The following PDE9A variants were observed in gnomAD, a reference collection of about 807,000 sequenced individuals.
PDE9A encodes phosphodiesterase 9A.
A neutral mutation model predicts 87.4 loss-of-function variants in PDE9A; 60 were observed. The observed-to-expected ratio is 0.69, with a 90% CI of 0.56 to 0.85. PDE9A has a LOEUF of 0.85. Among genes scored for constraint, PDE9A ranks in the 40% least tolerant of loss-of-function variants. PDE9A has a pLI of 0.00. For synonymous variants in PDE9A, 272 were observed against 279.4 expected (o/e 0.97, Z 0.27); for missense variants, 665 against 779.0 (o/e 0.85, Z 1.74).
intron 1 of PDE9A, among the ~76,000 whole-genome samples, chr21:42,670,179 A>G (rs1006308621): frequency 6.8e-6 from 1 of 147,664 alleles, no homozygotes; most frequent in Non-Finnish European, 1.5e-5. Context: ...ACACGCACAC[A>G]TACACTTACA....
chr21:42,662,789 A>T (rs2057639251), intron 1 of PDE9A, among the ~76,000 whole-genome samples: 1 of 133,528 alleles, frequency 7.5e-6, no homozygotes, highest in African/African-American at 3.0e-5. Flanking sequence ...ACACACACAC[A>T]CCAAGCACAC....
At chr21:42,689,609 G>C (rs2059676693) in intron 3 of PDE9A, 2 of 985,448 alleles carry the variant, frequency 2.0e-6, no homozygotes, top group South Asian at 9.4e-5. Context: ...ATTTGAAACA[G>C]CGTGCAGAGA....
At chr21:42,657,182 G>A (rs1042250328) in intron 1 of PDE9A, among the ~76,000 whole-genome samples, 2 of 152,176 alleles carry the variant, frequency 1.3e-5, no homozygotes, top group African/African-American at 2.4e-5. Flanking sequence ...AGGATGGCCT[G>A]GTGAGAAGCT....
chr21:42,690,664 A>G (rs1352296559), intron 3 of PDE9A, among the ~76,000 whole-genome samples: 1 of 151,878 alleles, frequency 6.6e-6, no homozygotes, highest in Non-Finnish European at 1.5e-5. Context: ...TCCAGGCCTC[A>G]CTGAGCTCTG....
Position 42,687,933 on chromosome 21 carries a change from C to T in PDE9A, c.157C>T (p.Leu53=). ...GTTTTCCAGGAACACGACCATCTCC[C>T]TGCTGACCACCGACGACGCCATGGT... ...TGLPRNTTIS[L]LTTDDAMVSI... Residue 53 remains leucine (L), a synonymous_variant, in exon 3 of 20, where the codon CTG becomes TTG. Coordinates refer to ENST00000291539, the MANE Select transcript of PDE9A (RefSeq NM_002606.3). 6.2e-7 allele frequency: 1 copy of T among 1,613,194 alleles called. No homozygotes were observed. The highest frequency in any genetic ancestry group is 8.5e-7 in the Non-Finnish European group (1 of 1,179,982).
At position 42,735,099 on chromosome 21, in the gene PDE9A, G is replaced by T. The variant is rs149794930; in HGVS notation, c.568+1673G>T. Among the ~76,000 whole-genome samples the T allele has an allele frequency of 7.4e-4, 112 of 152,356 alleles. 1 individual carries two copies. Among genetic ancestry groups the T allele is most frequent in the Middle Eastern group, 3.4e-3 (1 of 294 alleles). On this transcript the variant is annotated intron_variant, in intron 7 of 19. Transcript: ENST00000291539. ...GAAGCTTCCCCAGATCCCCAGGAAGGCTTGGGAACAGGGCTCAGAGGTTGT... is the reference window on the plus strand; with the variant it reads ...GAAGCTTCCCCAGATCCCCAGGAAGTCTTGGGAACAGGGCTCAGAGGTTGT...
rs970424068 is a variant in PDE9A at position 42,704,567 on chromosome 21, C to T, written c.262+5556C>T. On this transcript the variant is annotated intron_variant, in intron 4 of 19. Transcript: ENST00000291539. This position sits in a 1 kb window ranked among gnomAD's most constrained non-coding sequence, Gnocchi z 5.3. ...TCTATGGCAACAACCTTCCCTCTCC[C>T]GTCCATCGGCCTTGGGTCCCAGAGC... Among the ~76,000 whole-genome samples, 8 of 152,182 alleles carry T rather than the reference C, an allele frequency of 5.3e-5. No individual in the cohort carries two copies. Among genetic ancestry groups the T allele is most frequent in the Admixed American group, 1.3e-4 (2 of 15,276 alleles).
In PDE9A at chr21:42,686,310, C is replaced by T. The variant is rs201148413; in HGVS notation, c.140+48C>T. On this transcript the variant is annotated intron_variant, in intron 2 of 19. Transcript: ENST00000291539. ...GCCCGGTGACGCCACGCGGCCTCCT[C>T]GCCTTTTCGGGATGGCTGGGAGGGG... The T allele has an allele frequency of 2.0e-6, 3 of 1,509,752 alleles. No homozygotes were observed. The African/African-American group carries it at 4.1e-5, about 21-fold the overall frequency. The allele number at this position is 1,509,752 out of a possible 1,614,324, so 93.5% of individuals were successfully genotyped here.
chr21:42,685,956 G>A (rs1288072745), intron 1 of PDE9A, among the ~76,000 whole-genome samples: 1 of 152,142 alleles, frequency 6.6e-6, no homozygotes, highest in East Asian at 1.9e-4. Context: ...TGGGCAAGGG[G>A]GCATCGCTGT....
In PDE9A at chr21:42,730,536, T is replaced by G. The variant is rs552998653; in HGVS notation, c.263-1234T>G. On this transcript the variant is annotated intron_variant, in intron 4 of 19. Transcript: ENST00000291539. ...GGAAGCAAACATTTTTAAATAAAAT[T>G]TATATAAAACTTATAACCAAAGATG... Among the ~76,000 whole-genome samples, 167 of 152,304 alleles carry G rather than the reference T, an allele frequency of 1.1e-3. 1 individual carries two copies. The highest frequency in any genetic ancestry group is 2.5e-4 in the Non-Finnish European group (17 of 68,022).
At chr21:42,707,905 T>C (rs1303085800) in intron 4 of PDE9A, among the ~76,000 whole-genome samples, 3 of 152,216 alleles carry the variant, frequency 2.0e-5, no homozygotes, top group African/African-American at 7.2e-5. Context: ...TCATTGAAAA[T>C]GACTTAGGGG....
chr21:42,768,266 T>C lies in PDE9A; in HGVS notation c.1435T>C (p.Cys479Arg), dbSNP rs773035780. ...PMEVAEPWVD[C>R]LLEEYFMQSD... ...GGAAGTCGCAGAGCCTTGGGTGGAC[T>C]GTTTATTAGAGGAATATTTTATGCA... Residue 479 changes from cysteine to arginine, a missense_variant, in exon 16 of 20, where the codon TGT becomes CGT. By Grantham distance (180) the Cys-to-Arg change is radical. Coordinates refer to ENST00000291539, the MANE Select transcript of PDE9A (RefSeq NM_002606.3). 2.5e-6 allele frequency: 4 copies of C among 1,600,884 alleles called. No homozygotes were observed. Among genetic ancestry groups the C allele is most frequent in the Admixed American group, 1.7e-5 (1 of 60,022 alleles).
In PDE9A at chr21:42,760,722, G is replaced by A. The variant is rs771420919; in HGVS notation, c.1003-103G>A. On this transcript the variant is annotated intron_variant, in intron 12 of 19. Coordinates refer to ENST00000291539, the MANE Select transcript of PDE9A (RefSeq NM_002606.3). The surrounding 1 kb of genome is among the most constrained non-coding windows in gnomAD (Gnocchi z 5.2). The stretch of plus-strand genomic sequence containing the variant: ...CAGGAGATGCCAGATGGCTGCAGGG[G>A]CCTTTGTCCCCCGCTTACCACTCAC... 72 of 746,930 alleles carry A rather than the reference G, an allele frequency of 9.6e-5. No individual in the cohort carries two copies. The highest frequency in any genetic ancestry group is 1.6e-4 in the Non-Finnish European group (65 of 413,786). 46.3% of individuals were successfully genotyped at this position (746,930 alleles called of 1,614,324 possible). A position where few individuals can be genotyped will look rare whatever the true frequency, so the allele number is the denominator to read the frequency against.
At chr21:42,665,812 T>C (rs1287559455) in intron 1 of PDE9A, among the ~76,000 whole-genome samples, 2 of 152,216 alleles carry the variant, frequency 1.3e-5, no homozygotes, top group African/African-American at 4.8e-5. Flanking sequence ...GAACAATGGA[T>C]GCATGCAGCT....
Position 42,754,040 on chromosome 21 carries a change from C to A in PDE9A, c.786C>A (p.Asp262Glu), listed in dbSNP as rs771657672. Residue 262 changes from aspartate to glutamate, a missense_variant, in exon 10 of 20, where the codon GAC (aspartate) becomes GAA (glutamate). By Grantham distance (45) the Asp-to-Glu change is conservative. Coordinates refer to ENST00000291539, the MANE Select transcript of PDE9A (RefSeq NM_002606.3). ...AGGCCCTGCGGAAGCCGACCTTTGA[C>A]GTCTGGCTTTGGGAGCCCAATGAGG... The part of the protein sequence containing the change: ...TIEALRKPTF[D>E]VWLWEPNEML... 6.2e-7 allele frequency: 1 copy of A among 1,613,108 alleles called. No homozygotes were observed. The highest frequency in any genetic ancestry group is 8.5e-7 in the Non-Finnish European group (1 of 1,179,248).
intron 7 of PDE9A, among the ~76,000 whole-genome samples, chr21:42,737,550 C>G (rs1043856264): frequency 1.1e-4 from 16 of 152,216 alleles, no homozygotes; most frequent in African/African-American, 3.9e-4. Flanking sequence ...ACCTCTGCCC[C>G]CCGAAGACAG....
intron 7 of PDE9A, among the ~76,000 whole-genome samples, chr21:42,740,751 A>ATAGATAGATAG (rs1569229138): frequency 1.1e-5 from 1 of 94,976 alleles, no homozygotes. Context: ...TAGATAGATA[A>ATAGATAGATAG]ACAGGATAGA....
In PDE9A at chr21:42,754,016, G is replaced by A. The variant is rs1390121966; in HGVS notation, c.762G>A (p.Glu254=). ...PKYLLSPETI[E]ALRKPTFDVW... Reference sequence around the variant, plus strand: ...ACCTGCTCTCTCCAGAGACCATCGAGGCCCTGCGGAAGCCGACCTTTGACG... The same window carrying A: ...ACCTGCTCTCTCCAGAGACCATCGAAGCCCTGCGGAAGCCGACCTTTGACG... Residue 254 remains glutamate, a synonymous_variant, in exon 10 of 20, where the codon GAG becomes GAA. Coordinates refer to ENST00000291539, the MANE Select transcript of PDE9A (RefSeq NM_002606.3). 1.9e-6 allele frequency: 3 copies of A among 1,613,422 alleles called. No homozygotes were observed. Among genetic ancestry groups the A allele is most frequent in the South Asian group, 1.1e-5 (1 of 91,062 alleles).
At position 42,772,442 on chromosome 21, in the gene PDE9A, CAGA is replaced by C. The variant is rs764777814; in HGVS notation, c.1697_1699del (p.Lys566del). ...CCTTCTCTGTACTCTGTTCCAGTTACAGAAGAAGACTGACAGCTTGACGTCTGG... is the reference window on the plus strand; with the variant it reads ...CCTTCTCTGTACTCTGTTCCAGTTACAGAAGACTGACAGCTTGACGTCTGG... On this transcript the variant is annotated inframe_deletion, in exon 19 of 20. Transcript: ENST00000291539. The C allele has an allele frequency of 4.7e-5, 76 of 1,606,944 alleles. No individual in the cohort carries two copies. In the Admixed American group the frequency reaches 6.2e-4, roughly 13 times the overall value.
Sources: allele counts gnomAD v4.1 joint callset (sites outside exome capture counted in the v4.1 genomes callset), GRCh38; gene constraint gnomAD v4.1.1; non-coding constraint Gnocchi (gnomAD v3.1); transcripts MANE v1.5; gene names NCBI Gene and HGNC (gene_info 2026-07-23, HGNC 2026-07-21).